Variants in GFRA1 observed in about 807,000 individuals in gnomAD.
The protein encoded by GFRA1 is GDNF family receptor alpha 1.
GFRA1 carries 16 observed loss-of-function variants against 51.6 expected under a neutral mutation model. That is an observed-to-expected ratio of 0.31 (90% CI 0.21 to 0.47). The LOEUF is 0.47. GFRA1 is among the 20% of genes least tolerant of loss of function. The pLI is 1.00. For missense variants in GFRA1, 530 were observed against 594.3 expected (o/e 0.89, Z 1.13); for synonymous variants, 270 against 241.3 (o/e 1.12, Z -1.10).
intron 5 of GFRA1, among the ~76,000 whole-genome samples, chr10:116,206,617 ATT>A (rs1964777266): frequency 7.8e-6 from 1 of 127,812 alleles, no homozygotes; most frequent in Non-Finnish European, 1.6e-5. Context: ...CTGAAACCAC[ATT>A]CTCTTTTTTT....
rs1954676741 is a variant in GFRA1, at chr10:116,058,943, T to TTG, written c.*5453_*5454dup. On this transcript the variant is annotated 3_prime_UTR_variant, in exon 11 of 11. Coordinates refer to ENST00000355422, the MANE Select transcript of GFRA1 (RefSeq NM_005264.8). ...ATTTCCCACAAAGTCTACCCCCGTT[T>TTG]TGGGCTCTGTCCTTCCTGGCGGATG... 1 of 152,200 alleles carries TTG rather than the reference T, an allele frequency of 6.6e-6. No individual in the cohort carries two copies. Among genetic ancestry groups the TTG allele is most frequent in the Non-Finnish European group, 1.5e-5 (1 of 68,048 alleles). The allele number at this position is 152,200 out of a possible 1,614,324, so 9.4% of individuals were successfully genotyped here. A position where few individuals can be genotyped will look rare whatever the true frequency, so the allele number is the denominator to read the frequency against.
chr10:116,121,057 C>T (rs1191124046), intron 6 of GFRA1, among the ~76,000 whole-genome samples: 4 of 152,126 alleles, frequency 2.6e-5, no homozygotes, highest in Admixed American at 6.5e-5. Context: ...GGTGCTGGAC[C>T]GCCTGGTAAT....
At chr10:116,198,220 G>A (rs1964048213) in intron 5 of GFRA1, among the ~76,000 whole-genome samples, 1 of 149,248 alleles carries the variant, frequency 6.7e-6, no homozygotes, top group Admixed American at 6.7e-5. Context: ...GTTTCCTGAT[G>A]CAGGATATTA....
At chr10:116,196,595 TA>T (rs1191142512) in intron 5 of GFRA1, among the ~76,000 whole-genome samples, 1 of 15,154 alleles carries the variant, frequency 6.6e-5, no homozygotes, top group African/African-American at 1.1e-4. Context: ...GTACTATATA[TA>T]ATATATATAT....
chr10:116,121,808 G>A (rs72834568), intron 6 of GFRA1, among the ~76,000 whole-genome samples: 10,027 of 152,194 alleles, frequency 0.066, 504 homozygotes, highest in African/African-American at 0.14. Flanking sequence ...TATAGCAACT[G>A]TAATGTGAGA....
chr10:116,066,381 C>T (rs1955115895), intron 9 of GFRA1, among the ~76,000 whole-genome samples: 1 of 152,132 alleles, frequency 6.6e-6, no homozygotes, highest in Non-Finnish European at 1.5e-5. Flanking sequence ...GATACTCAAT[C>T]CAGCCATTTG....
intron 5 of GFRA1, among the ~76,000 whole-genome samples, chr10:116,164,107 A>G (rs2134190007): frequency 6.6e-6 from 1 of 152,118 alleles, no homozygotes; most frequent in Non-Finnish European, 1.5e-5. Context: ...CCCTTCTCCA[A>G]TGTCGCACAG....
chr10:116,221,402 C>T (rs1022382638), intron 4 of GFRA1, among the ~76,000 whole-genome samples: 12 of 152,166 alleles, frequency 7.9e-5, no homozygotes, highest in African/African-American at 2.9e-4. Flanking sequence ...TAAGACACCC[C>T]AGAGAGAGAA....
At chr10:116,075,705 G>T (rs1955589074) in intron 9 of GFRA1, among the ~76,000 whole-genome samples, 1 of 152,040 alleles carries the variant, frequency 6.6e-6, no homozygotes, top group Non-Finnish European at 1.5e-5. Flanking sequence ...ATGATCACTT[G>T]TCAGGCATCA....
rs754977842 is a variant in GFRA1, at chr10:116,089,900, G to A, written c.1038C>T (p.Gly346=). The change falls in exon 9 of 11, where the codon GGC becomes GGT. Residue 346 remains glycine (G), a synonymous_variant. Coordinates refer to ENST00000355422, the MANE Select transcript of GFRA1 (RefSeq NM_005264.8). ...TCLKNAIQAF[G]NGSDVTVWQP... Reference sequence around the variant, plus strand: ...GCCACACGGTCACATCGGAGCCATTGCCAAAGGCTTGAATTGCATTTTCTG... The same window carrying A: ...GCCACACGGTCACATCGGAGCCATTACCAAAGGCTTGAATTGCATTTTCTG... The A allele has an allele frequency of 1.9e-6, 3 of 1,613,592 alleles. No homozygotes were observed. The highest frequency in any genetic ancestry group is 1.3e-5 in the African/African-American group (1 of 74,924).
intron 6 of GFRA1, among the ~76,000 whole-genome samples, chr10:116,097,789 G>A (rs1956662292): frequency 6.6e-6 from 1 of 152,214 alleles, no homozygotes; most frequent in South Asian, 2.1e-4. Flanking sequence ...AGAATTGGCT[G>A]TTGACATAAC....
chr10:116,064,091 GATCATCATCATC>G lies in GFRA1; in HGVS notation c.*295_*306del, dbSNP rs1239757880. 5.5e-6 allele frequency: 1 copy of G among 180,460 alleles called. No homozygotes were observed. The highest frequency in any genetic ancestry group is 6.0e-5 in the African/African-American group (1 of 16,746). 11.2% of individuals were successfully genotyped at this position (180,460 alleles called of 1,614,324 possible). A position where few individuals can be genotyped will look rare whatever the true frequency, so the allele number is the denominator to read the frequency against. On this transcript the variant is annotated 3_prime_UTR_variant, in exon 11 of 11. Coordinates refer to ENST00000355422, the MANE Select transcript of GFRA1 (RefSeq NM_005264.8). ...TCATGATCATGATGATCATCATCAT[GATCATCATCATC>G]ATCGAAAACACAGCCCCAGTTTGCT...
At chr10:116,238,708 A>G (rs1967105042) in intron 4 of GFRA1, among the ~76,000 whole-genome samples, 1 of 152,252 alleles carries the variant, frequency 6.6e-6, no homozygotes, top group African/African-American at 2.4e-5. Context: ...CATTTAATCT[A>G]AAATCTATGG....
At chr10:116,066,218 A>C (rs1341493758) in intron 9 of GFRA1, among the ~76,000 whole-genome samples, 1 of 152,156 alleles carries the variant, frequency 6.6e-6, no homozygotes, top group Non-Finnish European at 1.5e-5. Flanking sequence ...GTGATGAACA[A>C]AAAAGGACCT....
chr10:116,066,110 C>CAGAT (rs1365072757), intron 9 of GFRA1, among the ~76,000 whole-genome samples: 1 of 152,160 alleles, frequency 6.6e-6, no homozygotes, highest in African/African-American at 2.4e-5. Context: ...ATTAGTGATA[C>CAGAT]AGACAGAGAC....
Position 116,272,183 on chromosome 10 carries a change from G to A in GFRA1, c.-154C>T. ...CCATCCAGTGAAAGAGGAAACTCCG[G>A]GTCTGGCAGCAGCCACCGCCGCCGG... On this transcript the variant is annotated 5_prime_UTR_variant, in exon 2 of 11. Coordinates refer to ENST00000355422, the MANE Select transcript of GFRA1 (RefSeq NM_005264.8). The surrounding 1 kb of genome is among the most constrained non-coding windows in gnomAD (Gnocchi z 4.4). The A allele has an allele frequency of 1.4e-6, 1 of 726,140 alleles. No individual in the cohort carries two copies. Among genetic ancestry groups the A allele is most frequent in the South Asian group, 1.7e-5 (1 of 60,532 alleles). The allele number at this position is 726,140 out of a possible 1,614,324, so 45.0% of individuals were successfully genotyped here.
At position 116,150,611 on chromosome 10, in the gene GFRA1, T is replaced by G. The variant is rs189689165; in HGVS notation, c.434-25054A>C. On this transcript the variant is annotated intron_variant, in intron 5 of 10. Coordinates refer to ENST00000355422, the MANE Select transcript of GFRA1 (RefSeq NM_005264.8). ...TGAGATAACTTTGCCATGAAATATCTTGCTTTTATTATTATTTTTGCATCA... is the reference window on the plus strand; with the variant it reads ...TGAGATAACTTTGCCATGAAATATCGTGCTTTTATTATTATTTTTGCATCA... Among the ~76,000 whole-genome samples the G allele has an allele frequency of 2.5e-3, 385 of 152,358 alleles. 1 individual carries two copies. Among genetic ancestry groups the G allele is most frequent in the African/African-American group, 8.8e-3 (365 of 41,574 alleles).
intron 10 of GFRA1, 61 bp from the exon 11 acceptor site, chr10:116,064,605 T>C: frequency 2.0e-6 from 3 of 1,470,872 alleles, no homozygotes; most frequent in Non-Finnish European, 2.9e-6. Flanking sequence ...CACAGTATAC[T>C]TTACACTCTC....
rs929649082 is a variant in GFRA1, at chr10:116,061,744, C to T, written c.*2654G>A. On this transcript the variant is annotated 3_prime_UTR_variant, in exon 11 of 11. Coordinates refer to ENST00000355422, the MANE Select transcript of GFRA1 (RefSeq NM_005264.8). ...GCCCGGACTGAAGGACAGGAAGTAG[C>T]GAATCATTTTTGCTTTTAAGCACGC... 4.7e-5 allele frequency: 17 copies of T among 360,024 alleles called. No individual in the cohort carries two copies. The highest frequency in any genetic ancestry group is 6.9e-5 in the Non-Finnish European group (14 of 202,318). The allele number at this position is 360,024 out of a possible 1,614,324, so 22.3% of individuals were successfully genotyped here.
Sources: allele counts gnomAD v4.1 joint callset (sites outside exome capture counted in the v4.1 genomes callset), GRCh38; gene constraint gnomAD v4.1.1; non-coding constraint Gnocchi (gnomAD v3.1); transcripts MANE v1.5; gene names NCBI Gene and HGNC (gene_info 2026-07-23, HGNC 2026-07-21).